The following TRPS1 variants were observed in gnomAD, a reference collection of about 807,000 sequenced individuals.
TRPS1 encodes the protein zinc finger transcription factor Trps1.
A neutral mutation model predicts 101.2 loss-of-function variants in TRPS1; 6 were observed. The observed-to-expected ratio is 0.06, with a 90% CI of 0.03 to 0.12. The LOEUF (loss-of-function observed/expected upper bound fraction) is 0.12. TRPS1 is among the 10% of genes least tolerant of loss of function. The pLI is 1.00. For synonymous variants in TRPS1, 578 were observed against 589.8 expected, an observed-to-expected ratio of 0.98 and a Z score of 0.29; for missense variants, 1,363 against 1,567.0, an observed-to-expected ratio of 0.87 and a Z score of 2.20.
At chr8:115,558,951 G>T (rs973961610) in intron 5 of TRPS1, among the ~76,000 whole-genome samples, 3 of 151,854 alleles carry the variant, frequency 2.0e-5, no homozygotes, top group African/African-American at 7.3e-5. Flanking sequence ...ATATGTTAAG[G>T]GGTAACATTG....
intron 5 of TRPS1, among the ~76,000 whole-genome samples, chr8:115,443,509 TTTGATA>T (rs1427194959): frequency 6.6e-6 from 1 of 152,200 alleles, no homozygotes; most frequent in Non-Finnish European, 1.5e-5. Flanking sequence ...CTTCAAGTCC[TTTGATA>T]TTAATTATCC....
intron 5 of TRPS1, among the ~76,000 whole-genome samples, chr8:115,457,551 C>T (rs767701349): frequency 1.3e-5 from 2 of 152,038 alleles, no homozygotes; most frequent in Non-Finnish European, 2.9e-5. Context: ...GGTTGCACAA[C>T]ATTAGGAATG....
intron 4 of TRPS1, among the ~76,000 whole-genome samples, chr8:115,599,917 T>C (rs1817872229): frequency 6.6e-6 from 1 of 152,174 alleles, no homozygotes; most frequent in Non-Finnish European, 1.5e-5. Context: ...AATCATCACA[T>C]AGTCTTCCAC....
At chr8:115,420,627 C>T (rs537807466) in intron 5 of TRPS1, among the ~76,000 whole-genome samples, 14 of 152,294 alleles carry the variant, frequency 9.2e-5, no homozygotes, top group South Asian at 8.3e-4. Context: ...GTGTTTCAAC[C>T]CTTGCACAAT....
chr8:115,581,180 T>C (rs1036825837), intron 5 of TRPS1, among the ~76,000 whole-genome samples: 2 of 151,108 alleles, frequency 1.3e-5, no homozygotes, highest in Admixed American at 6.6e-5. Flanking sequence ...TTCTCACTTA[T>C]ATGTGGAAGC....
intron 5 of TRPS1, among the ~76,000 whole-genome samples, chr8:115,446,268 T>C (rs1813732641): frequency 6.6e-6 from 1 of 151,842 alleles, no homozygotes; most frequent in Admixed American, 6.6e-5. Context: ...GTGCTGTGTA[T>C]GTATTACTTC....
intron 1 of TRPS1, among the ~76,000 whole-genome samples, chr8:115,662,769 A>G (rs1811833196): frequency 2.0e-5 from 3 of 151,980 alleles, no homozygotes; most frequent in South Asian, 2.1e-4. Flanking sequence ...ATTGTAAGAA[A>G]AAAAGAGCTG....
intron 5 of TRPS1, among the ~76,000 whole-genome samples, chr8:115,533,451 T>A (rs994887914): frequency 4.5e-5 from 6 of 134,502 alleles, no homozygotes; most frequent in African/African-American, 1.5e-4. Flanking sequence ...TTTTTTTTTT[T>A]TTTTTTTTCC....
At chr8:115,610,147 T>C (rs1818129740) in intron 3 of TRPS1, among the ~76,000 whole-genome samples, 1 of 152,174 alleles carries the variant, frequency 6.6e-6, no homozygotes, top group South Asian at 2.1e-4. Flanking sequence ...GTACTATAAT[T>C]GATAGCAACA....
At chr8:115,634,719 C>T (rs1194839629) in intron 1 of TRPS1, among the ~76,000 whole-genome samples, 1 of 151,938 alleles carries the variant, frequency 6.6e-6, no homozygotes. Context: ...CATGAGAGTA[C>T]CAAACAGTAC....
chr8:115,415,444 G>A (rs936608370), intron 6 of TRPS1, among the ~76,000 whole-genome samples: 4 of 152,072 alleles, frequency 2.6e-5, no homozygotes, highest in Non-Finnish European at 5.9e-5. Context: ...CAATTTTTGA[G>A]TTGTGCACTA....
At chr8:115,573,514 T>C (rs186972187) in intron 5 of TRPS1, among the ~76,000 whole-genome samples, 1 of 152,140 alleles carries the variant, frequency 6.6e-6, no homozygotes, top group East Asian at 1.9e-4. Flanking sequence ...AACATCATTA[T>C]CCTAGTGTAG....
At chr8:115,515,401 A>T in intron 5 of TRPS1, 1 of 593,156 alleles carries the variant, frequency 1.7e-6, no homozygotes, top group Admixed American at 2.8e-5. Flanking sequence ...ATGAAATATA[A>T]ATCAAATGCC....
intron 5 of TRPS1, among the ~76,000 whole-genome samples, chr8:115,554,727 G>C (rs1190624133): frequency 6.6e-6 from 1 of 152,154 alleles, no homozygotes; most frequent in Non-Finnish European, 1.5e-5. Flanking sequence ...TTACAGTGTA[G>C]AGGCCAAAAC....
intron 4 of TRPS1, among the ~76,000 whole-genome samples, chr8:115,600,066 A>G (rs1002402086): frequency 6.6e-6 from 1 of 152,026 alleles, no homozygotes; most frequent in Admixed American, 6.6e-5. Context: ...TGTGTTTTTG[A>G]CTTGCATTTC....
intron 5 of TRPS1, among the ~76,000 whole-genome samples, chr8:115,491,522 C>T (rs1385788654): frequency 1.3e-5 from 2 of 151,992 alleles, no homozygotes; most frequent in Non-Finnish European, 2.9e-5. Context: ...TGCCTGTAGT[C>T]CCCACTACTC....
At position 115,587,371 on chromosome 8, in the gene TRPS1, A is replaced by G; in HGVS notation, c.2330T>C (p.Val777Ala). ...SKMGEPVSES[V>A]VKREKLEEKD... ...CTCTTCCAGCTTCTCTCTCTTCACC[A>G]CACTCTCAGAAACTGGCTCTCCCAT... Residue 777 changes from valine (V) to alanine (A), a missense_variant, in exon 5 of 7, where the codon GTG (valine) becomes GCG (alanine). Around this residue, in one of 5 missense-constraint regions of TRPS1, gnomAD observed 1,020 missense variants for 1,073.0 expected, o/e 0.95. Coordinates refer to ENST00000395715, the MANE Select transcript of TRPS1 (RefSeq NM_014112.5). 7 of 1,614,102 alleles carry G rather than the reference A, an allele frequency of 4.3e-6. No homozygotes were observed. Among genetic ancestry groups the G allele is most frequent in the Non-Finnish European group, 5.9e-6 (7 of 1,180,002 alleles).
In TRPS1 at chr8:115,410,436, C is replaced by T. The variant is rs1014683497; in HGVS notation, c.*3587G>A. The T allele has an allele frequency of 7.9e-5, 12 of 152,358 alleles. No homozygotes were observed. Among genetic ancestry groups the T allele is most frequent in the African/African-American group, 2.9e-4 (12 of 41,380 alleles). The allele number at this position is 152,358 out of a possible 1,614,324, so 9.4% of individuals were successfully genotyped here. Reference sequence around the variant, plus strand: ...CTTGTTTTATAAAAATCTACCTTCACTAAAACAGAACAGTTTAGAACAGAA... The same window carrying T: ...CTTGTTTTATAAAAATCTACCTTCATTAAAACAGAACAGTTTAGAACAGAA... On this transcript the variant is annotated 3_prime_UTR_variant, in exon 7 of 7. Coordinates refer to ENST00000395715, the MANE Select transcript of TRPS1 (RefSeq NM_014112.5).
chr8:115,543,623 TTC>T (rs1239182779), intron 5 of TRPS1, among the ~76,000 whole-genome samples: 4 of 20,842 alleles, frequency 1.9e-4, no homozygotes, highest in African/African-American at 1.3e-3. Context: ...TCATTTTTTC[TTC>T]TTCATACAAG....
Sources: allele counts gnomAD v4.1 joint callset (sites outside exome capture counted in the v4.1 genomes callset), GRCh38; gene constraint gnomAD v4.1.1; regional missense constraint gnomAD v4.1.1; transcripts MANE v1.5; gene names NCBI Gene and HGNC (gene_info 2026-07-23, HGNC 2026-07-21).